The following RAD54L variants were observed in gnomAD, a reference collection of about 807,000 sequenced individuals.
RAD54L encodes RAD54 like, also known as DNA repair and recombination protein RAD54-like.
RAD54L carries 74 observed loss-of-function variants against 91.6 expected under a neutral mutation model. The ratio of observed to expected loss-of-function variants is 0.81; its 90% CI spans 0.67 to 0.98. The LOEUF is 0.98. RAD54L is among the 50% of genes least tolerant of loss of function. The pLI, the probability that RAD54L is intolerant of heterozygous loss-of-function variation, is 0.00. For missense variants in RAD54L, 887 were observed against 945.7 expected, an observed-to-expected ratio of 0.94 and a Z score of 0.81; for synonymous variants, 304 against 349.7, an observed-to-expected ratio of 0.87 and a Z score of 1.46.
chr1:46,254,715 T>G (rs920917385), intron 3 of RAD54L, among the ~76,000 whole-genome samples: 7 of 150,602 alleles, frequency 4.6e-5, no homozygotes, highest in African/African-American at 7.4e-5. Context: ...GCCTCTGGAG[T>G]AGCTAGGACC....
chr1:46,264,766 T>A (rs1258559070), intron 8 of RAD54L, among the ~76,000 whole-genome samples: 2 of 152,206 alleles, frequency 1.3e-5, no homozygotes, highest in Non-Finnish European at 2.9e-5. Flanking sequence ...GGTGTGAGAT[T>A]CCAAGTCGTG....
At chr1:46,278,016 C>A (rs2148308361) in intron 17 of RAD54L, 36 bp downstream of exon 17, 3 of 1,614,138 alleles carry the variant, frequency 1.9e-6, no homozygotes, top group Non-Finnish European at 2.5e-6. Context: ...TCTAAGCTAC[C>A]CACACAGTAG....
intron 4 of RAD54L, among the ~76,000 whole-genome samples, chr1:46,259,189 TA>T (rs1660027773): frequency 6.6e-6 from 1 of 151,652 alleles, no homozygotes; most frequent in Non-Finnish European, 1.5e-5. Context: ...TTTTTTTTTT[TA>T]ATTTAATAGA....
rs746553748 is a variant in RAD54L at position 46,277,828 on chromosome 1, TGAG to T, written c.1885_1887del (p.Glu629del). 2.4e-5 allele frequency: 38 copies of T among 1,608,198 alleles called. No individual in the cohort carries two copies. Among genetic ancestry groups the T allele is most frequent in the African/African-American group, 6.7e-5 (5 of 74,754 alleles). On this transcript the variant is annotated inframe_deletion, in exon 17 of 18. Coordinates refer to ENST00000371975, the MANE Select transcript of RAD54L (RefSeq NM_003579.4). Reference sequence around the variant, plus strand: ...CTCCTCTTCCCCAGGCAGGGACCATTGAGGAGAAGATCTTCCAGCGTCAGAGCC... The same window carrying T: ...CTCCTCTTCCCCAGGCAGGGACCATTGAGAAGATCTTCCAGCGTCAGAGCC...
intron 16 of RAD54L, 63 bp downstream of exon 16, chr1:46,274,780 TTGTTC>T: frequency 1.3e-6 from 2 of 1,597,302 alleles, no homozygotes; most frequent in Non-Finnish European, 1.7e-6. Context: ...CAGGACCATC[TTGTTC>T]CTTAGTGCCT....
intron 9 of RAD54L, among the ~76,000 whole-genome samples, chr1:46,269,674 CA>C (rs1660366623): frequency 1.3e-5 from 2 of 152,118 alleles, no homozygotes; most frequent in African/African-American, 2.4e-5. Context: ...CCATACCCAC[CA>C]AAAAACTCTA....
At chr1:46,254,966 C>T (rs1659900803) in intron 3 of RAD54L, among the ~76,000 whole-genome samples, 1 of 152,020 alleles carries the variant, frequency 6.6e-6, no homozygotes, top group African/African-American at 2.4e-5. Context: ...AAGATGAGAT[C>T]CCAGAAAGGT....
In RAD54L at chr1:46,277,847, C is replaced by T. The variant is rs368491231; in HGVS notation, c.1900C>T (p.Arg634Cys). 13 of 1,612,208 alleles carry T rather than the reference C, an allele frequency of 8.1e-6. No homozygotes were observed. The highest frequency in any genetic ancestry group is 6.7e-5 in the East Asian group (3 of 44,880). ...AGTIEEKIFQ[R>C]QSHKKALSSC... is the part of the protein sequence containing the mutation. ...GACCATTGAGGAGAAGATCTTCCAG[C>T]GTCAGAGCCACAAGAAGGCACTGAG... Residue 634 changes from arginine to cysteine, a missense_variant, in exon 17 of 18, where the codon CGT (arginine) becomes TGT (cysteine). By Grantham distance (180) the Arg-to-Cys change is radical (BLOSUM62 -3). Coordinates refer to ENST00000371975, the MANE Select transcript of RAD54L (RefSeq NM_003579.4).
intron 3 of RAD54L, among the ~76,000 whole-genome samples, chr1:46,252,235 G>A (rs1659817266): frequency 6.6e-6 from 1 of 152,178 alleles, no homozygotes; most frequent in African/African-American, 2.4e-5. Flanking sequence ...AGAGATGAGA[G>A]TTGGAGAGCT....
chr1:46,260,876 A>G lies in RAD54L; in HGVS notation c.627A>G (p.Pro209=), dbSNP rs1212341849. Residue 209 remains proline (P), a synonymous_variant, in exon 7 of 18, where the codon CCA becomes CCG. Transcript: ENST00000371975. ...TACGCCAGAGTCCAGAGTGCAAGCCAGAAATTGACAAGGCAGTGGTGGTGT... is the reference window on the plus strand; with the variant it reads ...TACGCCAGAGTCCAGAGTGCAAGCCGGAAATTGACAAGGCAGTGGTGGTGT... ...TLLRQSPECK[P]EIDKAVVVSP... is the part of the protein sequence containing the mutation. The G allele has an allele frequency of 6.2e-7, 1 of 1,614,264 alleles. No individual in the cohort carries two copies. Among genetic ancestry groups the G allele is most frequent in the South Asian group, 1.1e-5 (1 of 91,082 alleles).
At chr1:46,266,288 T>C (rs1660264968) in intron 8 of RAD54L, among the ~76,000 whole-genome samples, 1 of 152,220 alleles carries the variant, frequency 6.6e-6, no homozygotes. Flanking sequence ...GCTAGTGAGC[T>C]TAAAGAGCTT....
At chr1:46,250,670 CA>C (rs1207062425) in intron 3 of RAD54L, among the ~76,000 whole-genome samples, 3 of 152,138 alleles carry the variant, frequency 2.0e-5, no homozygotes, top group Admixed American at 1.3e-4. Flanking sequence ...GTGCATTCAG[CA>C]AACATTTAAA....
chr1:46,247,876 A>T lies in RAD54L; in HGVS notation c.-530A>T, dbSNP rs1469040522. 4.5e-6 allele frequency: 1 copy of T among 224,094 alleles called. No individual in the cohort carries two copies. The highest frequency in any genetic ancestry group is 9.0e-6 in the Non-Finnish European group (1 of 110,624). 13.9% of individuals were successfully genotyped at this position (224,094 alleles called of 1,614,324 possible). ...ATTCCCCTCCTAACCTGGGTTTTTT[A>T]CACGCCCGCGTGGCTTCCTGCTCGA... On this transcript the variant is annotated 5_prime_UTR_variant, in exon 1 of 18. Transcript: ENST00000371975.
In RAD54L at chr1:46,260,842, G is replaced by A; in HGVS notation, c.593G>A (p.Trp198Ter). The A allele has an allele frequency of 6.2e-7, 1 of 1,614,228 alleles. No individual in the cohort carries two copies. The highest frequency in any genetic ancestry group is 1.1e-5 in the South Asian group (1 of 91,084). ...GKTLQCITLMWTLLRQSPECK... is the reference protein window; with the variant it reads ...GKTLQCITLM ...ACGCTGCAGTGCATCACATTGATGT[G>A]GACACTTTTACGCCAGAGTCCAGAG... Residue 198 changes from tryptophan (W) to a stop codon, truncating the protein, a stop_gained, in exon 7 of 18, where the codon TGG (tryptophan) becomes TAG (stop). Coordinates refer to ENST00000371975, the MANE Select transcript of RAD54L (RefSeq NM_003579.4). LOFTEE classifies it high-confidence loss of function.
At chr1:46,274,325 T>A in intron 15 of RAD54L, 109 bp downstream of exon 15, 4 of 1,270,948 alleles carry the variant, frequency 3.1e-6, no homozygotes, top group Non-Finnish European at 4.5e-6. Context: ...TTAATTCCCC[T>A]AGTGGATATA....
In RAD54L at chr1:46,259,975, T is replaced by C. The variant is rs1660058273; in HGVS notation, c.283T>C (p.Ser95Pro). The C allele has an allele frequency of 6.2e-7, 1 of 1,613,918 alleles. No individual in the cohort carries two copies. The highest frequency in any genetic ancestry group is 1.7e-5 in the Admixed American group (1 of 59,978). ...TTATTGGTTTGTAGGTCCTCTGGGC[T>C]CTCGAGCATTGGGCCTGAAAAGGGC... ...PIPNYQGPLG[S>P]RALGLKRAGV... The change falls in exon 5 of 18, where the codon TCT becomes CCT. Residue 95 changes from serine (S) to proline (P), a missense_variant. Ser to Pro is a moderately conservative substitution (Grantham distance 74, BLOSUM62 -1). Transcript: ENST00000371975.
At position 46,274,333 on chromosome 1, in the gene RAD54L, A is replaced by G. The variant is rs116868869; in HGVS notation, c.1689+117A>G. 432 of 1,274,312 alleles carry G rather than the reference A, an allele frequency of 3.4e-4. No individual in the cohort carries two copies. The East Asian group carries it at 9.5e-3, about 28-fold the overall frequency. The allele number at this position is 1,274,312 out of a possible 1,614,324, so 78.9% of individuals were successfully genotyped here. A position where few individuals can be genotyped will look rare whatever the true frequency, so the allele number is the denominator to read the frequency against. On this transcript the variant is annotated intron_variant, in intron 15 of 17. Coordinates refer to ENST00000371975, the MANE Select transcript of RAD54L (RefSeq NM_003579.4). Reference sequence around the variant, plus strand: ...TTTTTTTTTAATTCCCCTAGTGGATATAGTAGGATTTGTCTGGTTGGTGAT... The same window carrying G: ...TTTTTTTTTAATTCCCCTAGTGGATGTAGTAGGATTTGTCTGGTTGGTGAT...
At chr1:46,268,174 C>T (rs6679450) in intron 9 of RAD54L, among the ~76,000 whole-genome samples, 6,353 of 152,114 alleles carry the variant, frequency 0.042, 225 homozygotes, top group African/African-American at 0.088. Flanking sequence ...TCAAGACCAG[C>T]CTGGGCAACA....
chr1:46,247,843 C>T lies in RAD54L; in HGVS notation c.-563C>T. 1 of 210,762 alleles carries T rather than the reference C, an allele frequency of 4.7e-6. No individual in the cohort carries two copies. The highest frequency in any genetic ancestry group is 1.2e-4 in the East Asian group (1 of 8,472). The allele number at this position is 210,762 out of a possible 1,614,324, so 13.1% of individuals were successfully genotyped here. A position where few individuals can be genotyped will look rare whatever the true frequency, so the allele number is the denominator to read the frequency against. ...CTATCTCTGTCGCTCTTTTCAGCCC[C>T]TCCTGGTATTCCCCTCCTAACCTGG... On this transcript the variant is annotated 5_prime_UTR_variant, in exon 1 of 18. Transcript: ENST00000371975.
Sources: gnomAD v4.1 joint callset for allele counts (sites outside exome capture counted in the v4.1 genomes callset) on GRCh38, gnomAD v4.1.1 for gene constraint, MANE v1.5 for transcripts, NCBI Gene and HGNC (gene_info 2026-07-23, HGNC 2026-07-21) for gene names.